Variants in ERC1 observed in about 807,000 individuals in gnomAD.
The protein encoded by ERC1 is ELKS/RAB6-interacting/CAST family member 1.
A neutral mutation model predicts 132.0 loss-of-function variants in ERC1; 56 were observed. The ratio of observed to expected loss-of-function variants is 0.42; its 90% confidence interval spans 0.34 to 0.53. ERC1 has a LOEUF of 0.53. ERC1 is among the 20% of genes least tolerant of loss of function. The pLI is 0.03. For synonymous variants in ERC1, 478 were observed against 476.1 expected, an observed-to-expected ratio of 1.00 and a Z score of -0.05; for missense variants, 1,202 against 1,349.9, an observed-to-expected ratio of 0.89 and a Z score of 1.72.
intron 2 of ERC1, among the ~76,000 whole-genome samples, chr12:1,034,225 T>TA (rs894771876): frequency 2.9e-4 from 44 of 152,208 alleles, no homozygotes; most frequent in East Asian, 5.8e-4. Flanking sequence ...GTATTGTTAA[T>TA]AAAAAATCAC....
chr12:1,473,991 C>T (rs1376914836), intron 18 of ERC1, among the ~76,000 whole-genome samples: 3 of 152,166 alleles, frequency 2.0e-5, no homozygotes, highest in Non-Finnish European at 4.4e-5. Context: ...TCAATAGATG[C>T]TCTTACGGCA....
intron 13 of ERC1, among the ~76,000 whole-genome samples, chr12:1,256,768 A>G (rs573062094): frequency 6.6e-6 from 1 of 150,700 alleles, no homozygotes; most frequent in Non-Finnish European, 1.5e-5. Context: ...AGTCTCCATA[A>G]TATCTGCCTT....
At chr12:1,084,618 C>CA (rs1942704509) in intron 3 of ERC1, among the ~76,000 whole-genome samples, 1 of 151,886 alleles carries the variant, frequency 6.6e-6, no homozygotes, top group Non-Finnish European at 1.5e-5. Flanking sequence ...ACTTATAACT[C>CA]AAAGTATTGT....
At chr12:1,377,033 T>A (rs543900103) in intron 16 of ERC1, among the ~76,000 whole-genome samples, 1 of 152,344 alleles carries the variant, frequency 6.6e-6, no homozygotes, top group South Asian at 2.1e-4. Context: ...TTTCATACAG[T>A]AGTTTTCTAC....
rs35902573 is a variant in ERC1 at position 1,341,069 on chromosome 12, C to CTTTTTTTTTTT, written c.2781-30732_2781-30722dup. The stretch of plus-strand genomic sequence containing the variant: ...AATGTCCACTTATTCTTTTCTTTTT[C>CTTTTTTTTTTT]TTTTTTTTTTTTTTTTTTTTTTTTT... On this transcript the variant is annotated intron_variant, in intron 15 of 18. Coordinates refer to ENST00000360905, the MANE Select transcript of ERC1 (RefSeq NM_178040.4). Among the ~76,000 whole-genome samples, 119 of 63,126 alleles carry CTTTTTTTTTTT rather than the reference C, an allele frequency of 1.9e-3. 31 individuals carry two copies. Among genetic ancestry groups the CTTTTTTTTTTT allele is most frequent in the Admixed American group, 2.1e-3 (9 of 4,228 alleles). The allele number at this position is 63,126 out of a possible 152,430, so 41.4% of individuals were successfully genotyped here. A position where few individuals can be genotyped will look rare whatever the true frequency, so the allele number is the denominator to read the frequency against.
chr12:1,467,598 C>T (rs1482762680), intron 18 of ERC1, among the ~76,000 whole-genome samples: 1 of 152,188 alleles, frequency 6.6e-6, no homozygotes. Flanking sequence ...AGTTTTTCCA[C>T]AGACAGGGGA....
chr12:1,073,920 G>A (rs1940886802), intron 2 of ERC1, among the ~76,000 whole-genome samples: 1 of 144,646 alleles, frequency 6.9e-6, no homozygotes, highest in Non-Finnish European at 1.5e-5. Flanking sequence ...AGGCTGGAGT[G>A]CAGTGGCATG....
At chr12:1,451,738 A>G (rs1309423663) in intron 18 of ERC1, among the ~76,000 whole-genome samples, 5 of 152,146 alleles carry the variant, frequency 3.3e-5, no homozygotes. Flanking sequence ...GAGGGAGTGT[A>G]TTTTTATCAA....
intron 15 of ERC1, among the ~76,000 whole-genome samples, chr12:1,337,550 G>T (rs1032072890): frequency 9.9e-5 from 15 of 152,104 alleles, no homozygotes; most frequent in African/African-American, 3.6e-4. Context: ...TTCAAGGTTT[G>T]TACTGATATG....
intron 7 of ERC1, among the ~76,000 whole-genome samples, chr12:1,121,837 A>ATCTATC (rs1555254816): frequency 9.1e-4 from 4 of 4,374 alleles, no homozygotes; most frequent in African/African-American, 1.0e-3. Flanking sequence ...CTCTATCTCT[A>ATCTATC]TCTATCTCTA....
chr12:1,485,049 A>AT (rs976000986), intron 18 of ERC1, among the ~76,000 whole-genome samples: 4 of 148,448 alleles, frequency 2.7e-5, no homozygotes, highest in African/African-American at 1.0e-4. Flanking sequence ...CACCTGACTA[A>AT]TTTTTTTGTT....
Position 1,494,076 on chromosome 12 carries a change from G to A in ERC1, c.*3846G>A, listed in dbSNP as rs1187709752. ...GTGTCAAGACCCTCAGAGTCTTTGAGGAAAGAGCCAAGCAGAGAAGACCGC... is the reference window on the plus strand; with the variant it reads ...GTGTCAAGACCCTCAGAGTCTTTGAAGAAAGAGCCAAGCAGAGAAGACCGC... On this transcript the variant is annotated 3_prime_UTR_variant, in exon 19 of 19. Coordinates refer to ENST00000360905, the MANE Select transcript of ERC1 (RefSeq NM_178040.4). 4.3e-6 allele frequency: 1 copy of A among 232,282 alleles called. No individual in the cohort carries two copies. Among genetic ancestry groups the A allele is most frequent in the Non-Finnish European group, 8.5e-6 (1 of 117,560 alleles). 14.4% of individuals were successfully genotyped at this position (232,282 alleles called of 1,614,324 possible). A position where few individuals can be genotyped will look rare whatever the true frequency, so the allele number is the denominator to read the frequency against.
chr12:1,048,435 A>G (rs1200528927), intron 2 of ERC1, among the ~76,000 whole-genome samples: 1 of 152,140 alleles, frequency 6.6e-6, no homozygotes, highest in Non-Finnish European at 1.5e-5. Context: ...CAAAGAGCGA[A>G]TACCATGTGT....
At chr12:1,302,828 T>C (rs1040034537) in intron 15 of ERC1, among the ~76,000 whole-genome samples, 1 of 151,976 alleles carries the variant, frequency 6.6e-6, no homozygotes, top group Non-Finnish European at 1.5e-5. Context: ...CGGGGCATGG[T>C]GGCACACACC....
intron 15 of ERC1, among the ~76,000 whole-genome samples, chr12:1,341,069 CTTTTTTTTT>C (rs35902573): frequency 1.7e-4 from 11 of 63,150 alleles, no homozygotes; most frequent in South Asian, 6.5e-4. Context: ...TTTTCTTTTT[CTTTTTTTTT>C]TTTTTTTTTT....
chr12:1,110,571 G>T (rs983599255), intron 5 of ERC1, among the ~76,000 whole-genome samples: 2 of 152,164 alleles, frequency 1.3e-5, no homozygotes, highest in African/African-American at 2.4e-5. Flanking sequence ...ACAATTCTCT[G>T]TATGAGGCTA....
intron 16 of ERC1, among the ~76,000 whole-genome samples, chr12:1,384,053 G>A (rs2089029990): frequency 6.6e-6 from 1 of 152,148 alleles, no homozygotes. Flanking sequence ...ACCAAAATGT[G>A]TTACCATCAT....
In ERC1 at chr12:1,264,045, A is replaced by G. The variant is rs574163174; in HGVS notation, c.2619+880A>G. ...GAAAAACGTTAATTTCAAATAGCTAATATTTTATTCATTTCATACCCTGCC... is the reference window on the plus strand; with the variant it reads ...GAAAAACGTTAATTTCAAATAGCTAGTATTTTATTCATTTCATACCCTGCC... On this transcript the variant is annotated intron_variant, in intron 14 of 18. Transcript: ENST00000360905. Among the ~76,000 whole-genome samples the G allele has an allele frequency of 1.1e-4, 17 of 152,288 alleles. No individual in the cohort carries two copies. The East Asian group carries it at 2.5e-3, about 22-fold the overall frequency.
At chr12:1,050,547 T>C (rs1048308879) in intron 2 of ERC1, among the ~76,000 whole-genome samples, 2 of 152,200 alleles carry the variant, frequency 1.3e-5, no homozygotes, top group Non-Finnish European at 2.9e-5. Context: ...TTTGTGAAGG[T>C]TAACTGAACC....
Sources: allele counts gnomAD v4.1 joint callset (sites outside exome capture counted in the v4.1 genomes callset), GRCh38; gene constraint gnomAD v4.1.1; transcripts MANE v1.5; gene names NCBI Gene and HGNC (gene_info 2026-07-23, HGNC 2026-07-21).